Variants in CNTNAP5 observed in about 807,000 individuals in gnomAD.
CNTNAP5 encodes the protein contactin-associated protein-like 5.
In CNTNAP5, 72 loss-of-function variants were observed where a neutral mutation model predicts 150.2. The ratio of observed to expected loss-of-function variants is 0.48; its 90% CI spans 0.40 to 0.58. The LOEUF (loss-of-function observed/expected upper bound fraction) is 0.58, where lower values mean the gene tolerates loss of function less well. Ranked by LOEUF, CNTNAP5 falls within the 20% of genes least tolerant of loss-of-function variation. The pLI is 0.00. For synonymous variants in CNTNAP5, 672 were observed against 619.8 expected, an observed-to-expected ratio of 1.08 and a Z score of -1.25; for missense variants, 1,636 against 1,626.2, an observed-to-expected ratio of 1.01 and a Z score of -0.10.
chr2:124,736,278 TC>T (rs1428337963), intron 13 of CNTNAP5, among the ~76,000 whole-genome samples: 1 of 152,118 alleles, frequency 6.6e-6, no homozygotes, highest in African/African-American at 2.4e-5. Flanking sequence ...TTTAGATTTT[TC>T]CCCTGACACT....
intron 11 of CNTNAP5, among the ~76,000 whole-genome samples, chr2:124,586,327 T>C (rs928397789): frequency 1.1e-4 from 16 of 152,184 alleles, no homozygotes; most frequent in African/African-American, 3.6e-4. Context: ...TTTTGTTCCA[T>C]GTAATATAAC....
rs777377232 is a variant in CNTNAP5, at chr2:124,764,034, C to T, written c.2420C>T (p.Thr807Ile). The T allele has an allele frequency of 1.1e-5, 17 of 1,613,196 alleles. No individual in the cohort carries two copies. The highest frequency in any genetic ancestry group is 5.0e-5 in the Admixed American group (3 of 59,948). Residue 807 changes from threonine (T) to isoleucine (I), a missense_variant, in exon 16 of 24, where the codon ACC becomes ATC. Transcript: ENST00000682447. ...GAAGCCTCTTACCTCCACTTTCCTA[C>T]CTTCCATGCGGAATTCAGTGCCGAT... ...YTEASYLHFP[T>I]FHAEFSADIS... is the part of the protein sequence containing the mutation.
intron 6 of CNTNAP5, among the ~76,000 whole-genome samples, chr2:124,459,014 AC>A (rs1693187154): frequency 6.6e-6 from 1 of 152,248 alleles, no homozygotes; most frequent in African/African-American, 2.4e-5. Context: ...AAAACTGGAA[AC>A]AAATGCTCTT....
At chr2:124,664,070 G>T (rs756389495) in intron 13 of CNTNAP5, among the ~76,000 whole-genome samples, 5 of 152,112 alleles carry the variant, frequency 3.3e-5, no homozygotes, top group African/African-American at 9.7e-5. Context: ...GCACAAAGTA[G>T]GTCTCCCTCC....
At chr2:124,691,332 A>C (rs982676870) in intron 13 of CNTNAP5, among the ~76,000 whole-genome samples, 2 of 152,058 alleles carry the variant, frequency 1.3e-5, no homozygotes, top group African/African-American at 4.8e-5. Flanking sequence ...GTAAAGTTAG[A>C]GTAATGCTTT....
chr2:124,063,195 A>G (rs1324878881), intron 1 of CNTNAP5, among the ~76,000 whole-genome samples: 1 of 152,120 alleles, frequency 6.6e-6, no homozygotes, highest in Non-Finnish European at 1.5e-5. Context: ...GCTCATAAAT[A>G]CTAATTTATG....
intron 3 of CNTNAP5, among the ~76,000 whole-genome samples, chr2:124,358,941 T>C (rs1022126653): frequency 8.1e-4 from 121 of 149,912 alleles, no homozygotes; most frequent in African/African-American, 2.7e-3. Context: ...TCCTGGACTC[T>C]TTTTGGTTGG....
At position 124,176,701 on chromosome 2, in the gene CNTNAP5, C is replaced by G. The variant is rs187252244; in HGVS notation, c.83-45004C>G. 5.9e-5 allele frequency among the ~76,000 whole-genome samples: 9 copies of G among 152,176 alleles called. No individual in the cohort carries two copies. The East Asian group carries it at 1.8e-3, about 30-fold the overall frequency. Reference sequence around the variant, plus strand: ...TTACAGACTGAGAGGGAAAAACAGACAAGCATTGTCTGTCTAGCTTCTTCT... The same window carrying G: ...TTACAGACTGAGAGGGAAAAACAGAGAAGCATTGTCTGTCTAGCTTCTTCT... On this transcript the variant is annotated intron_variant, in intron 1 of 23. Coordinates refer to ENST00000682447, the MANE Select transcript of CNTNAP5 (RefSeq NM_001367498.1).
chr2:124,902,743 T>C, intron 21 of CNTNAP5, 139 bp from the exon 22 acceptor site: 1 of 538,590 alleles, frequency 1.9e-6, no homozygotes, highest in East Asian at 2.9e-5. Context: ...TAAAGAGAGA[T>C]AGATAGGGGA....
intron 13 of CNTNAP5, among the ~76,000 whole-genome samples, chr2:124,653,070 CA>C (rs1678356388): frequency 6.6e-6 from 1 of 152,152 alleles, no homozygotes; most frequent in African/African-American, 2.4e-5. Context: ...GTAAGTTCTT[CA>C]GGAGCCCTAA....
intron 1 of CNTNAP5, among the ~76,000 whole-genome samples, chr2:124,166,221 A>T (rs1293521605): frequency 1.3e-5 from 2 of 152,156 alleles, no homozygotes; most frequent in Non-Finnish European, 2.9e-5. Flanking sequence ...GGGAGTCTGT[A>T]AACAGGCCAT....
chr2:124,463,973 C>A (rs1046138506), intron 6 of CNTNAP5, among the ~76,000 whole-genome samples: 1 of 151,932 alleles, frequency 6.6e-6, no homozygotes, highest in Non-Finnish European at 1.5e-5. Context: ...ATCAGAGTAC[C>A]CAACTCAAAG....
chr2:124,610,060 C>G (rs1046956476), intron 12 of CNTNAP5, 140 bp downstream of exon 12: 15 of 920,724 alleles, frequency 1.6e-5, no homozygotes, highest in Non-Finnish European at 2.1e-5. Context: ...AAATGGTATT[C>G]TGGTGAGTAA....
At position 124,219,709 on chromosome 2, in the gene CNTNAP5, G is replaced by A. The variant is rs185582533; in HGVS notation, c.83-1996G>A. Among the ~76,000 whole-genome samples, 152 of 152,182 alleles carry A rather than the reference G, an allele frequency of 1.0e-3. 1 individual carries two copies. Among genetic ancestry groups the A allele is most frequent in the Middle Eastern group, 3.4e-3 (1 of 294 alleles). On this transcript the variant is annotated intron_variant, in intron 1 of 23. Transcript: ENST00000682447. The stretch of plus-strand genomic sequence containing the variant: ...GTACATGCAAGATCTGCATTACGTT[G>A]AATATAATTTAATAAGTGATTATTA...
intron 1 of CNTNAP5, among the ~76,000 whole-genome samples, chr2:124,158,574 G>T (rs756414038): frequency 6.6e-6 from 1 of 152,126 alleles, no homozygotes; most frequent in Non-Finnish European, 1.5e-5. Context: ...TTGAATCCAC[G>T]GATATAGAAC....
chr2:124,469,315 T>C (rs1693449985), intron 6 of CNTNAP5, among the ~76,000 whole-genome samples: 1 of 152,296 alleles, frequency 6.6e-6, no homozygotes, highest in Non-Finnish European at 1.5e-5. Flanking sequence ...AGACAGCAGC[T>C]TTTTTTCATT....
At chr2:124,635,841 C>T (rs148397092) in intron 12 of CNTNAP5, among the ~76,000 whole-genome samples, 10 of 152,278 alleles carry the variant, frequency 6.6e-5, no homozygotes, top group Admixed American at 2.6e-4. Flanking sequence ...AGCAGGCTCA[C>T]GTCACAGGAA....
intron 16 of CNTNAP5, among the ~76,000 whole-genome samples, chr2:124,768,360 A>T (rs568423882): frequency 6.7e-6 from 1 of 150,034 alleles, no homozygotes; most frequent in South Asian, 2.1e-4. Flanking sequence ...GAGAAAAGAA[A>T]GAGAGAAAGA....
At chr2:124,481,003 G>T (rs908997835) in intron 7 of CNTNAP5, among the ~76,000 whole-genome samples, 12 of 152,156 alleles carry the variant, frequency 7.9e-5, no homozygotes, top group African/African-American at 2.9e-4. Flanking sequence ...GTCCATCAAG[G>T]CAGCTATAAC....
Sources: gnomAD v4.1 joint callset for allele counts (sites outside exome capture counted in the v4.1 genomes callset) on GRCh38, gnomAD v4.1.1 for gene constraint, MANE v1.5 for transcripts, NCBI Gene and HGNC (gene_info 2026-07-23, HGNC 2026-07-21) for gene names.